The following MED13L variants were observed in gnomAD, a reference collection of about 807,000 sequenced individuals.
MED13L encodes the protein mediator of RNA polymerase II transcription subunit 13-like.
MED13L carries 7 observed loss-of-function variants against 220.9 expected under a neutral mutation model. That is an observed-to-expected ratio of 0.03 (90% CI 0.02 to 0.06). The LOEUF is 0.06. Among genes scored for constraint, MED13L ranks in the 10% least tolerant of loss-of-function variants. The pLI is 1.00. For synonymous variants in MED13L, 1,011 were observed against 1,015.2 expected (o/e 1.00, Z 0.08); for missense variants, 1,965 against 2,760.5 (o/e 0.71, Z 6.46).
chr12:116,191,588 C>T (rs1881287245), intron 2 of MED13L, among the ~76,000 whole-genome samples: 2 of 152,048 alleles, frequency 1.3e-5, no homozygotes, highest in Admixed American at 6.6e-5. Flanking sequence ...CCTCAGCCTC[C>T]CAAAGTGCTA....
intron 1 of MED13L, among the ~76,000 whole-genome samples, chr12:116,241,211 A>T (rs1470083588): frequency 6.6e-6 from 1 of 151,674 alleles, no homozygotes; most frequent in Non-Finnish European, 1.5e-5. Flanking sequence ...AGGCTGAAGC[A>T]GGAGAATCGC....
chr12:116,178,925 T>C (rs1392814778), intron 2 of MED13L, among the ~76,000 whole-genome samples: 1 of 152,204 alleles, frequency 6.6e-6, no homozygotes, highest in Non-Finnish European at 1.5e-5. Flanking sequence ...GTTACACCGT[T>C]AGCAAATCAA....
At chr12:116,273,028 G>A (rs889297775) in intron 1 of MED13L, among the ~76,000 whole-genome samples, 1 of 152,190 alleles carries the variant, frequency 6.6e-6, no homozygotes, top group Non-Finnish European at 1.5e-5. Flanking sequence ...ATGATAGCCA[G>A]GCGTAGTGGC....
At chr12:116,176,090 T>C (rs577355354) in intron 2 of MED13L, among the ~76,000 whole-genome samples, 8 of 152,042 alleles carry the variant, frequency 5.3e-5, no homozygotes, top group African/African-American at 1.9e-4. Context: ...AAAAAGTGGA[T>C]CAGGAATAAA....
At chr12:116,256,621 TAAGA>T (rs1030414947) in intron 1 of MED13L, among the ~76,000 whole-genome samples, 1 of 150,242 alleles carries the variant, frequency 6.7e-6, no homozygotes, top group Non-Finnish European at 1.5e-5. Context: ...ATAAATGTAA[TAAGA>T]AATGTATGTA....
intron 4 of MED13L, among the ~76,000 whole-genome samples, chr12:116,066,871 C>T (rs144571223): frequency 6.6e-6 from 1 of 152,148 alleles, no homozygotes; most frequent in East Asian, 1.9e-4. Context: ...TCATCTTCTA[C>T]AGTTGGACAG....
intron 4 of MED13L, among the ~76,000 whole-genome samples, chr12:116,095,408 TTTATC>T (rs1470799601): frequency 6.6e-6 from 1 of 152,226 alleles, no homozygotes; most frequent in Non-Finnish European, 1.5e-5. Flanking sequence ...CGGTCCCTAA[TTTATC>T]TGATTTGAAA....
At chr12:116,107,876 G>A (rs915005115) in intron 3 of MED13L, among the ~76,000 whole-genome samples, 12 of 152,156 alleles carry the variant, frequency 7.9e-5, no homozygotes, top group African/African-American at 2.7e-4. Flanking sequence ...TGGATCACGA[G>A]GTCAGGAGTT....
chr12:116,174,256 G>A (rs534334389), intron 2 of MED13L, among the ~76,000 whole-genome samples: 18 of 152,234 alleles, frequency 1.2e-4, no homozygotes, highest in South Asian at 2.1e-4. Flanking sequence ...ATTAGAAGCC[G>A]TCACATAAGA....
chr12:115,973,100 T>C (rs1044386808), intron 25 of MED13L, among the ~76,000 whole-genome samples: 1 of 152,206 alleles, frequency 6.6e-6, no homozygotes, highest in Non-Finnish European at 1.5e-5. Context: ...TGTTTCCATA[T>C]TCCCAATGAA....
intron 22 of MED13L, among the ~76,000 whole-genome samples, chr12:115,981,161 A>T (rs1165776988): frequency 6.6e-6 from 1 of 152,170 alleles, no homozygotes; most frequent in Non-Finnish European, 1.5e-5. Flanking sequence ...CAAAAGATGT[A>T]CGATTATGTT....
intron 4 of MED13L, among the ~76,000 whole-genome samples, chr12:116,051,906 G>A (rs1868539716): frequency 1.3e-5 from 2 of 152,046 alleles, no homozygotes; most frequent in African/African-American, 4.8e-5. Context: ...ATGAATGCAA[G>A]GAATAAGATG....
At chr12:116,087,513 T>A (rs894455926) in intron 4 of MED13L, among the ~76,000 whole-genome samples, 1 of 152,226 alleles carries the variant, frequency 6.6e-6, no homozygotes. Flanking sequence ...TGCTGCCAAG[T>A]TGCTACACAG....
At chr12:116,134,651 C>T (rs1014319036) in intron 2 of MED13L, among the ~76,000 whole-genome samples, 1 of 151,932 alleles carries the variant, frequency 6.6e-6, no homozygotes. Context: ...TATTCAAACC[C>T]CTGTTAAATG....
At chr12:116,200,362 G>GC (rs1303880320) in intron 2 of MED13L, among the ~76,000 whole-genome samples, 1 of 151,906 alleles carries the variant, frequency 6.6e-6, no homozygotes, top group African/African-American at 2.4e-5. Flanking sequence ...ATCACACATT[G>GC]CAAGACATTA....
chr12:116,236,253 A>C (rs1415894883), intron 2 of MED13L, among the ~76,000 whole-genome samples: 1 of 152,198 alleles, frequency 6.6e-6, no homozygotes, highest in East Asian at 1.9e-4. Context: ...TTATAGACCA[A>C]ATACCCTAAA....
chr12:116,053,719 A>G (rs765555007), intron 4 of MED13L, among the ~76,000 whole-genome samples: 3 of 152,154 alleles, frequency 2.0e-5, no homozygotes, highest in Non-Finnish European at 4.4e-5. Context: ...TGACTAATCA[A>G]AGATTCTACA....
rs563931035 is a variant in MED13L, at chr12:115,984,358, C to T, written c.4353G>A (p.Gly1451=). 6.5e-5 allele frequency: 105 copies of T among 1,614,050 alleles called. No individual in the cohort carries two copies. The highest frequency in any genetic ancestry group is 8.5e-5 in the Non-Finnish European group (100 of 1,179,966). Residue 1451 remains glycine (G), a synonymous_variant, in exon 20 of 31, where the codon GGG becomes GGA. Coordinates refer to ENST00000281928, the MANE Select transcript of MED13L (RefSeq NM_015335.5). ...GCACTTTGCAGATGGGCTTGTGCTG[C>T]CCAAGCCTACACATCTGATATCATA... is the stretch of plus-strand genomic sequence containing the variant. ...LSAVYEMCRL[G]QHKPICKVLR...
chr12:116,123,840 C>T (rs982440468), intron 2 of MED13L, among the ~76,000 whole-genome samples: 1 of 151,924 alleles, frequency 6.6e-6, no homozygotes, highest in Non-Finnish European at 1.5e-5. Flanking sequence ...ACGGCGTGAC[C>T]GAGAGAACAT....
Sources: gnomAD v4.1 joint callset for allele counts (sites outside exome capture counted in the v4.1 genomes callset) on GRCh38, gnomAD v4.1.1 for gene constraint, MANE v1.5 for transcripts, NCBI Gene and HGNC (gene_info 2026-07-23, HGNC 2026-07-21) for gene names.